The following PTPRN2 variants were observed in gnomAD, a reference collection of about 807,000 sequenced individuals.
The protein encoded by PTPRN2 is protein tyrosine phosphatase receptor type N2.
Under a neutral mutation model 118.8 loss-of-function variants are expected in PTPRN2, and 74 were observed. That is an observed-to-expected ratio of 0.62 (90% CI 0.52 to 0.76). The LOEUF is 0.76. Among genes scored for constraint, PTPRN2 ranks in the 30% least tolerant of loss-of-function variants. The probability of loss-of-function intolerance (pLI) is 0.00; values close to 1 mark genes in which losing one functional copy is unlikely to be tolerated. For missense variants in PTPRN2, 1,481 were observed against 1,394.4 expected (o/e 1.06, Z -0.99); for synonymous variants, 641 against 608.0 (o/e 1.05, Z -0.80).
chr7:158,171,290 C>CAT lies in PTPRN2; in HGVS notation c.550-4000_550-3999insAT, dbSNP rs1563555436. The stretch of plus-strand genomic sequence containing the variant: ...ACACATATATACACACATATATATA[C>CAT]ACACATATATATACACACATATATA... On this transcript the variant is annotated intron_variant, in intron 5 of 22. Coordinates refer to ENST00000389418, the MANE Select transcript of PTPRN2 (RefSeq NM_002847.5). 1.2e-3 allele frequency among the ~76,000 whole-genome samples: 74 copies of CAT among 59,878 alleles called. 8 individuals carry two copies. Among genetic ancestry groups the CAT allele is most frequent in the African/African-American group, 8.3e-3 (71 of 8,528 alleles). The allele number at this position is 59,878 out of a possible 152,430, so 39.3% of individuals were successfully genotyped here.
At position 157,544,762 on chromosome 7, in the gene PTPRN2, GGA is replaced by G. The variant is rs1283279682; in HGVS notation, c.2977-3979_2977-3978del. ...ATCATCTACCACAGAGGCATGGACG[GGA>G]GAGAGGGGTGATTTCAGCCTTGTCT... On this transcript the variant is annotated intron_variant, in intron 22 of 22. Transcript: ENST00000389418. 3.3e-5 allele frequency among the ~76,000 whole-genome samples: 5 copies of G among 152,258 alleles called. No homozygotes were observed. The South Asian group carries it at 6.2e-4, about 19-fold the overall frequency.
chr7:158,425,318 C>A (rs1339771165), intron 2 of PTPRN2, among the ~76,000 whole-genome samples: 2 of 113,256 alleles, frequency 1.8e-5, no homozygotes, highest in African/African-American at 7.8e-5. Context: ...GACCCAGAGT[C>A]CGAGACCAGC....
intron 7 of PTPRN2, among the ~76,000 whole-genome samples, chr7:158,137,619 C>T (rs1327189869): frequency 1.3e-5 from 2 of 152,052 alleles, no homozygotes; most frequent in African/African-American, 4.8e-5. Context: ...GGGTGCAGTT[C>T]CACTACTCCC....
At chr7:157,822,206 A>G (rs937238676) in intron 12 of PTPRN2, among the ~76,000 whole-genome samples, 1 of 151,678 alleles carries the variant, frequency 6.6e-6, no homozygotes, top group Non-Finnish European at 1.5e-5. Context: ...CCATCCATCT[A>G]TATACGATCC....
intron 12 of PTPRN2, among the ~76,000 whole-genome samples, chr7:157,839,539 C>CTG (rs946866476): frequency 3.4e-4 from 51 of 150,816 alleles, no homozygotes; most frequent in Admixed American, 8.6e-4. Flanking sequence ...TTGTATTACT[C>CTG]TGTGTGTCTG....
rs562030211 is a variant in PTPRN2, at chr7:157,778,062, T to C, written c.1789-95125A>G. Among the ~76,000 whole-genome samples, 6 of 151,424 alleles carry C rather than the reference T, an allele frequency of 4.0e-5. No individual in the cohort carries two copies. The South Asian group carries it at 1.3e-3, about 32-fold the overall frequency. ...AGGAACCACTGAAGGAATTAAAAGTTACAGAACCAGAGTCTAAAGTGAGCA... is the reference window on the plus strand; with the variant it reads ...AGGAACCACTGAAGGAATTAAAAGTCACAGAACCAGAGTCTAAAGTGAGCA... On this transcript the variant is annotated intron_variant, in intron 12 of 22. Coordinates refer to ENST00000389418, the MANE Select transcript of PTPRN2 (RefSeq NM_002847.5).
At chr7:158,410,226 G>A (rs1319591720) in intron 2 of PTPRN2, among the ~76,000 whole-genome samples, 2 of 152,052 alleles carry the variant, frequency 1.3e-5, no homozygotes, top group East Asian at 3.9e-4. Context: ...ACCACACAAG[G>A]CCCGCTCCCT....
chr7:157,849,747 CT>C (rs1809132720), intron 12 of PTPRN2, among the ~76,000 whole-genome samples: 1 of 152,226 alleles, frequency 6.6e-6, no homozygotes, highest in Non-Finnish European at 1.5e-5. Context: ...ATCAAGAAGC[CT>C]TTCTGCCCAG....
chr7:157,748,680 C>T (rs796366005), intron 12 of PTPRN2, among the ~76,000 whole-genome samples: 4 of 147,172 alleles, frequency 2.7e-5, no homozygotes, highest in African/African-American at 1.0e-4. Flanking sequence ...ATTGTGAGGC[C>T]TGCGTCTATG....
intron 9 of PTPRN2, among the ~76,000 whole-genome samples, chr7:158,119,223 C>T (rs962413978): frequency 3.3e-5 from 5 of 152,104 alleles, no homozygotes; most frequent in African/African-American, 1.2e-4. Flanking sequence ...CTTGAATAGA[C>T]ATTTTCCTCC....
intron 13 of PTPRN2, among the ~76,000 whole-genome samples, chr7:157,658,889 C>T (rs577795218): frequency 4.7e-4 from 71 of 152,234 alleles, no homozygotes; most frequent in African/African-American, 1.7e-3. Context: ...TTGGTGGTGT[C>T]CGGGGGAGGC....
At chr7:158,359,437 C>T (rs1026852954) in intron 2 of PTPRN2, among the ~76,000 whole-genome samples, 13 of 152,224 alleles carry the variant, frequency 8.5e-5, no homozygotes, top group African/African-American at 2.2e-4. Context: ...CCAGGCACTC[C>T]GCTCGGCCAG....
chr7:158,516,611 C>T (rs1194568519), intron 1 of PTPRN2, among the ~76,000 whole-genome samples: 5 of 141,270 alleles, frequency 3.5e-5, no homozygotes, highest in Admixed American at 1.4e-4. Flanking sequence ...TCTTGGTGCT[C>T]CTGCCTATTG....
At chr7:158,527,218 C>G (rs538559799) in intron 1 of PTPRN2, among the ~76,000 whole-genome samples, 18 of 152,200 alleles carry the variant, frequency 1.2e-4, no homozygotes, top group African/African-American at 4.1e-4. Context: ...TCACCTCCCC[C>G]CACCCCACAC....
intron 11 of PTPRN2, among the ~76,000 whole-genome samples, chr7:158,063,590 C>T (rs1282053759): frequency 6.6e-6 from 1 of 152,214 alleles, no homozygotes; most frequent in Non-Finnish European, 1.5e-5. Context: ...GCTGCTCACT[C>T]TTTGGGTCTG....
chr7:158,199,405 C>T (rs1826458565), intron 4 of PTPRN2, among the ~76,000 whole-genome samples: 1 of 152,148 alleles, frequency 6.6e-6, no homozygotes, highest in Non-Finnish European at 1.5e-5. Context: ...GCTTAAGGGA[C>T]CTCATGTGTG....
chr7:157,997,826 C>T (rs77550442), intron 11 of PTPRN2, among the ~76,000 whole-genome samples: 2 of 16,468 alleles, frequency 1.2e-4, no homozygotes, highest in African/African-American at 2.9e-4. Flanking sequence ...GATGAGTGCA[C>T]GGGAGAGGAG....
At chr7:158,283,807 C>T (rs913566212) in intron 3 of PTPRN2, among the ~76,000 whole-genome samples, 1 of 152,014 alleles carries the variant, frequency 6.6e-6, no homozygotes, top group Admixed American at 6.5e-5. Flanking sequence ...CTCCTGAGCA[C>T]CAGAAATGCA....
intron 3 of PTPRN2, among the ~76,000 whole-genome samples, chr7:158,249,467 ATATCTACCACACC>A: frequency 6.9e-6 from 1 of 143,954 alleles, no homozygotes; most frequent in Admixed American, 7.0e-5. Context: ...ATACATACAC[ATATCTACCACACC>A]TGCACACACA....
Sources: allele counts gnomAD v4.1 joint callset (sites outside exome capture counted in the v4.1 genomes callset), GRCh38; gene constraint gnomAD v4.1.1; transcripts MANE v1.5; gene names NCBI Gene and HGNC (gene_info 2026-07-23, HGNC 2026-07-21).